Variants in MACROD2 observed in about 807,000 individuals in gnomAD.
MACROD2 encodes ADP-ribose glycohydrolase MACROD2.
In MACROD2, 36 loss-of-function variants were observed where a neutral mutation model predicts 70.4. That is an observed-to-expected ratio of 0.51 (90% CI 0.39 to 0.68). The LOEUF is 0.68. MACROD2 is among the 30% of genes least tolerant of loss of function. The pLI, the probability that MACROD2 is intolerant of heterozygous loss-of-function variation, is 0.00. For missense variants in MACROD2, 496 were observed against 538.4 expected, an observed-to-expected ratio of 0.92 and a Z score of 0.78; for synonymous variants, 172 against 178.8, an observed-to-expected ratio of 0.96 and a Z score of 0.30.
chr20:15,027,655 G>T (rs2075243001), intron 5 of MACROD2, among the ~76,000 whole-genome samples: 1 of 150,628 alleles, frequency 6.6e-6, no homozygotes. Context: ...CGGGAGGATT[G>T]CTGGAGCCCA....
At chr20:15,748,523 G>A (rs2051219758) in intron 8 of MACROD2, among the ~76,000 whole-genome samples, 1 of 151,954 alleles carries the variant, frequency 6.6e-6, no homozygotes, top group Non-Finnish European at 1.5e-5. Context: ...TCAAAATGTA[G>A]CGTTCTGAAG....
At position 15,312,090 on chromosome 20, in the gene MACROD2, T is replaced by C. The variant is rs114662029; in HGVS notation, c.540+82029T>C. 3.6e-3 allele frequency among the ~76,000 whole-genome samples: 541 copies of C among 152,256 alleles called. 2 individuals are homozygous for C. The highest frequency in any genetic ancestry group is 0.012 in the African/African-American group (504 of 41,544). ...ACATATAAATGAAAAACATGCATCATAGAAAATGTAACAACGTTAAAGGAA... is the reference window on the plus strand; with the variant it reads ...ACATATAAATGAAAAACATGCATCACAGAAAATGTAACAACGTTAAAGGAA... On this transcript the variant is annotated intron_variant, in intron 6 of 17. Coordinates refer to ENST00000684519, the MANE Select transcript of MACROD2 (RefSeq NM_001351661.2).
intron 15 of MACROD2, among the ~76,000 whole-genome samples, chr20:15,999,717 C>T (rs1455239802): frequency 6.6e-6 from 1 of 152,210 alleles, no homozygotes; most frequent in Admixed American, 6.5e-5. Context: ...TTTATTATTA[C>T]AATGACCTTT....
At chr20:15,069,857 G>A (rs913991161) in intron 5 of MACROD2, among the ~76,000 whole-genome samples, 1 of 152,214 alleles carries the variant, frequency 6.6e-6, no homozygotes, top group South Asian at 2.1e-4. Context: ...AATGTCTAGG[G>A]GAAAATGTGG....
At chr20:14,054,088 T>A (rs1366962550) in intron 2 of MACROD2, among the ~76,000 whole-genome samples, 2 of 151,910 alleles carry the variant, frequency 1.3e-5, no homozygotes, top group Non-Finnish European at 2.9e-5. Context: ...TCGTACTCTT[T>A]CAGGATTATC....
chr20:15,664,239 G>A (rs569176512), intron 8 of MACROD2, among the ~76,000 whole-genome samples: 1 of 152,334 alleles, frequency 6.6e-6, no homozygotes, highest in East Asian at 1.9e-4. Flanking sequence ...AGGGGGGATG[G>A]AAAGCAAAGG....
At chr20:15,756,144 G>A (rs969669456) in intron 8 of MACROD2, among the ~76,000 whole-genome samples, 12 of 152,092 alleles carry the variant, frequency 7.9e-5, no homozygotes, top group African/African-American at 2.9e-4. Flanking sequence ...CTCTGCCACT[G>A]CCTATGACAG....
At chr20:14,931,738 C>T (rs1321663750) in intron 5 of MACROD2, among the ~76,000 whole-genome samples, 1 of 111,246 alleles carries the variant, frequency 9.0e-6, no homozygotes, top group East Asian at 2.9e-4. Context: ...TTACACCTGG[C>T]GTGTAATCCA....
rs117020404 is a variant in MACROD2, at chr20:15,632,928, T to C, written c.645+133081T>C. Among the ~76,000 whole-genome samples the C allele has an allele frequency of 8.6e-5, 13 of 151,612 alleles. No individual in the cohort carries two copies. In the East Asian group the frequency reaches 2.5e-3, roughly 30 times the overall value. ...TTCCCTTCTTTCTCCCTTCCTCCCC[T>C]TCTTTCTTCCTTCCTCCCCTCCTTC... On this transcript the variant is annotated intron_variant, in intron 8 of 17. Coordinates refer to ENST00000684519, the MANE Select transcript of MACROD2 (RefSeq NM_001351661.2).
At chr20:15,632,753 T>C (rs879850946) in intron 8 of MACROD2, among the ~76,000 whole-genome samples, 1 of 152,146 alleles carries the variant, frequency 6.6e-6, no homozygotes, top group Non-Finnish European at 1.5e-5. Flanking sequence ...AACACGATTA[T>C]TTATTTATCT....
At chr20:15,399,416 G>C (rs969839800) in intron 6 of MACROD2, among the ~76,000 whole-genome samples, 5 of 152,152 alleles carry the variant, frequency 3.3e-5, no homozygotes, top group African/African-American at 9.7e-5. Context: ...AAAGAAAAAT[G>C]AACCTGGCCC....
chr20:15,458,604 A>G lies in MACROD2; in HGVS notation c.571+27169A>G, dbSNP rs540491515. On this transcript the variant is annotated intron_variant, in intron 7 of 17. Transcript: ENST00000684519. Reference sequence around the variant, plus strand: ...AGATTCTTTGGGACAGATAAAGGCAATGAACTGTTTTTTTGTTTTTTTGTT... The same window carrying G: ...AGATTCTTTGGGACAGATAAAGGCAGTGAACTGTTTTTTTGTTTTTTTGTT... Among the ~76,000 whole-genome samples, 39 of 151,350 alleles carry G rather than the reference A, an allele frequency of 2.6e-4. 1 individual carries two copies. Among genetic ancestry groups the G allele is most frequent in the Middle Eastern group, 6.8e-3 (2 of 294 alleles).
At chr20:15,392,337 A>G (rs1456722166) in intron 6 of MACROD2, among the ~76,000 whole-genome samples, 1 of 152,214 alleles carries the variant, frequency 6.6e-6, no homozygotes. Context: ...ATTAATATTC[A>G]GTGTTTGAAT....
intron 3 of MACROD2, among the ~76,000 whole-genome samples, chr20:14,279,701 G>A (rs930063690): frequency 2.0e-5 from 3 of 152,076 alleles, no homozygotes; most frequent in Non-Finnish European, 4.4e-5. Flanking sequence ...CTGTTTAATT[G>A]TAACCTATCT....
At chr20:14,274,777 C>G (rs2082234041) in intron 3 of MACROD2, among the ~76,000 whole-genome samples, 1 of 151,824 alleles carries the variant, frequency 6.6e-6, no homozygotes, top group African/African-American at 2.4e-5. Context: ...TCTCCTTAAG[C>G]TGATAAGCAA....
chr20:14,667,096 A>G (rs1328758802), intron 4 of MACROD2, among the ~76,000 whole-genome samples: 1 of 152,060 alleles, frequency 6.6e-6, no homozygotes, highest in Non-Finnish European at 1.5e-5. Context: ...AAAAATCTTT[A>G]CCTGCTCAAA....
chr20:14,082,243 A>C (rs1443056312), intron 2 of MACROD2, among the ~76,000 whole-genome samples: 1 of 121,726 alleles, frequency 8.2e-6, no homozygotes, highest in African/African-American at 3.2e-5. Context: ...CAGTGGCATG[A>C]TCTCAGCTCA....
intron 3 of MACROD2, among the ~76,000 whole-genome samples, chr20:14,468,503 G>T (rs1245394072): frequency 9.7e-5 from 12 of 123,588 alleles, no homozygotes; most frequent in Non-Finnish European, 1.2e-4. Flanking sequence ...TTGAGCCTCT[G>T]TGTGTCTTTT....
At chr20:15,241,636 C>T (rs962818690) in intron 6 of MACROD2, among the ~76,000 whole-genome samples, 2 of 151,922 alleles carry the variant, frequency 1.3e-5, no homozygotes, top group Non-Finnish European at 2.9e-5. Context: ...AATCAGGACG[C>T]TGTCTTGCAG....
Sources: gnomAD v4.1 joint callset for allele counts (sites outside exome capture counted in the v4.1 genomes callset) on GRCh38, gnomAD v4.1.1 for gene constraint, MANE v1.5 for transcripts, NCBI Gene and HGNC (gene_info 2026-07-23, HGNC 2026-07-21) for gene names.